The following DENND1A variants were observed in gnomAD, a reference collection of about 807,000 sequenced individuals.
The protein encoded by DENND1A is DENN domain-containing protein 1A.
DENND1A carries 51 observed loss-of-function variants against 113.7 expected under a neutral mutation model. The observed-to-expected ratio is 0.45, with a 90% CI of 0.36 to 0.57. The LOEUF (loss-of-function observed/expected upper bound fraction) is 0.57, where lower values mean the gene tolerates loss of function less well. Among genes scored for constraint, DENND1A ranks in the 20% least tolerant of loss-of-function variants. The pLI is 0.00. For missense variants in DENND1A, 1,258 were observed against 1,395.9 expected, an observed-to-expected ratio of 0.90 and a Z score of 1.57; for synonymous variants, 565 against 570.8, an observed-to-expected ratio of 0.99 and a Z score of 0.14.
chr9:123,537,704 A>C (rs1218911912), intron 13 of DENND1A, among the ~76,000 whole-genome samples: 1 of 152,158 alleles, frequency 6.6e-6, no homozygotes, highest in Non-Finnish European at 1.5e-5. Context: ...AACAAAATAA[A>C]ATTGAGATTA....
intron 15 of DENND1A, chr9:123,456,767 C>A (rs867095679): frequency 6.6e-6 from 1 of 152,288 alleles, no homozygotes; most frequent in East Asian, 1.9e-4. Context: ...GAGCCGAGAT[C>A]GTGCCACTGC....
chr9:123,482,087 A>G (rs944399853), intron 13 of DENND1A, among the ~76,000 whole-genome samples: 6 of 145,422 alleles, frequency 4.1e-5, no homozygotes, highest in Admixed American at 7.0e-5. Context: ...TACAGGCATG[A>G]GTGGCAGTGC....
Position 123,426,334 on chromosome 9 carries a change from A to T in DENND1A, c.1488+14026T>A, listed in dbSNP as rs1355640257. Among the ~76,000 whole-genome samples, 4 of 152,148 alleles carry T rather than the reference A, an allele frequency of 2.6e-5. No homozygotes were observed. The East Asian group carries it at 5.8e-4, about 22-fold the overall frequency. ...AGGAGAGAGACACAGGACCCCAGGG[A>T]TATGAGGAATGTATGGGTACAGAGG... On this transcript the variant is annotated intron_variant, in intron 19 of 23. Coordinates refer to ENST00000394215, the MANE Select transcript of DENND1A (RefSeq NM_001352964.2).
At chr9:123,926,578 A>C (rs1857138128) in intron 1 of DENND1A, among the ~76,000 whole-genome samples, 1 of 151,456 alleles carries the variant, frequency 6.6e-6, no homozygotes, top group African/African-American at 2.4e-5. Flanking sequence ...AAAAAAAAAA[A>C]AAAAAAAAAG....
chr9:123,566,130 G>C (rs1165304163), intron 12 of DENND1A, among the ~76,000 whole-genome samples: 1 of 152,220 alleles, frequency 6.6e-6, no homozygotes, highest in East Asian at 1.9e-4. Context: ...TCCAGAGTCT[G>C]TGCTAGTCCA....
chr9:123,381,392 C>CCCTCGGGCCTCGGTGCAT lies in DENND1A; in HGVS notation c.*22_*39dup. 6.3e-7 allele frequency: 1 copy of CCCTCGGGCCTCGGTGCAT among 1,588,014 alleles called. No homozygotes were observed. Among genetic ancestry groups the CCCTCGGGCCTCGGTGCAT allele is most frequent in the South Asian group, 1.1e-5 (1 of 87,660 alleles). ...CCTCGGAACCGCAGCAGTGGACGGA[C>CCCTCGGGCCTCGGTGCAT]CCTCGGGCCTCGGTGCATCCCCCAC... On this transcript the variant is annotated 3_prime_UTR_variant, in exon 24 of 24. Coordinates refer to ENST00000394215, the MANE Select transcript of DENND1A (RefSeq NM_001352964.2). The surrounding 1 kb of genome is among the most constrained non-coding windows in gnomAD (Gnocchi z 4.7).
At chr9:123,674,338 TCTCTCACACACACA>T (rs2063922383) in intron 6 of DENND1A, among the ~76,000 whole-genome samples, 2 of 126,112 alleles carry the variant, frequency 1.6e-5, no homozygotes, top group Admixed American at 8.7e-5. Context: ...TCTCTGTCTC[TCTCTCACACACACA>T]CACACACACA....
At chr9:123,532,825 GT>G (rs1423247370) in intron 13 of DENND1A, among the ~76,000 whole-genome samples, 1 of 152,196 alleles carries the variant, frequency 6.6e-6, no homozygotes, top group Non-Finnish European at 1.5e-5. Flanking sequence ...CCAGACAGTT[GT>G]TTTTAGAGGT....
chr9:123,521,944 G>A (rs1310055640), intron 13 of DENND1A, among the ~76,000 whole-genome samples: 1 of 152,206 alleles, frequency 6.6e-6, no homozygotes, highest in African/African-American at 2.4e-5. Flanking sequence ...CTGGCACACA[G>A]GAGGGACACC....
At chr9:123,858,995 T>C (rs1055616301) in intron 2 of DENND1A, among the ~76,000 whole-genome samples, 5 of 152,060 alleles carry the variant, frequency 3.3e-5, no homozygotes, top group African/African-American at 1.2e-4. Flanking sequence ...TCATGTGTAG[T>C]TCACAGAGCT....
intron 6 of DENND1A, among the ~76,000 whole-genome samples, chr9:123,673,331 T>C (rs1434074456): frequency 6.6e-6 from 1 of 152,254 alleles, no homozygotes. Context: ...CAGTGTGACA[T>C]AATCCTTTAC....
At chr9:123,903,518 C>T (rs2133924830) in intron 1 of DENND1A, among the ~76,000 whole-genome samples, 1 of 152,098 alleles carries the variant, frequency 6.6e-6, no homozygotes, top group African/African-American at 2.4e-5. Flanking sequence ...GGTGCGGGCA[C>T]CGTGCACGAG....
intron 13 of DENND1A, among the ~76,000 whole-genome samples, chr9:123,468,604 G>A (rs1255800590): frequency 6.6e-6 from 1 of 152,216 alleles, no homozygotes; most frequent in Admixed American, 6.5e-5. Context: ...GCTGGGAGGA[G>A]AACGCTGTGC....
chr9:123,885,641 A>C (rs1848955158), intron 1 of DENND1A, among the ~76,000 whole-genome samples: 1 of 152,256 alleles, frequency 6.6e-6, no homozygotes, highest in Admixed American at 6.5e-5. Flanking sequence ...ACGTTTTTGA[A>C]AGAAGGGAGG....
intron 5 of DENND1A, among the ~76,000 whole-genome samples, chr9:123,721,416 T>C (rs1218682256): frequency 1.3e-5 from 2 of 152,212 alleles, no homozygotes; most frequent in Non-Finnish European, 2.9e-5. Context: ...CTCTGCCTTC[T>C]CTCCCATTCC....
chr9:123,490,600 AAAAAAC>A (rs1039758692), intron 13 of DENND1A, among the ~76,000 whole-genome samples: 1 of 152,174 alleles, frequency 6.6e-6, no homozygotes, highest in Non-Finnish European at 1.5e-5. Context: ...AAATAAAACA[AAAAAAC>A]AAAAACAAAA....
chr9:123,529,208 G>C lies in DENND1A; in HGVS notation c.993+28362C>G, dbSNP rs1423551166. Among the ~76,000 whole-genome samples, 5 of 152,062 alleles carry C rather than the reference G, an allele frequency of 3.3e-5. No homozygotes were observed. In the East Asian group the frequency reaches 9.6e-4, roughly 29 times the overall value. On this transcript the variant is annotated intron_variant, in intron 13 of 23. Coordinates refer to ENST00000394215, the MANE Select transcript of DENND1A (RefSeq NM_001352964.2). The stretch of plus-strand genomic sequence containing the variant: ...TTGTCTATATTGCCCAAGCTGGGTG[G>C]TATGAGGACCTAAAAAATGTTACTG...
chr9:123,702,379 G>A (rs1203485987), intron 5 of DENND1A, among the ~76,000 whole-genome samples: 1 of 152,082 alleles, frequency 6.6e-6, no homozygotes, highest in Non-Finnish European at 1.5e-5. Context: ...AAAGAGGTAG[G>A]AAAGCTTATT....
rs768208673 is a variant in DENND1A, at chr9:123,671,347, C to T, written c.397G>A (p.Glu133Lys). The change falls in exon 7 of 24, where the codon GAA (glutamate) becomes AAA (lysine). Residue 133 changes from glutamate to lysine, a missense_variant. Transcript: ENST00000394215. ...GGGATGGGAAGTTTGTGCAGAGTTT[C>T]AAGAAGCTCATTCCACTGATTTTCC... ...RQENQWNELL[E>K]TLHKLPIPDP... 2.5e-6 allele frequency: 4 copies of T among 1,613,840 alleles called. No individual in the cohort carries two copies. The Admixed American group carries it at 6.7e-5, about 27-fold the overall frequency.
Sources: gnomAD v4.1 joint callset for allele counts (sites outside exome capture counted in the v4.1 genomes callset) on GRCh38, gnomAD v4.1.1 for gene constraint, Gnocchi (gnomAD v3.1) non-coding constraint, MANE v1.5 for transcripts, NCBI Gene and HGNC (gene_info 2026-07-23, HGNC 2026-07-21) for gene names.